Variants in WRNIP1 observed in about 807,000 individuals in gnomAD.
WRNIP1 encodes WRN helicase interacting protein 1, also known as ATPase WRNIP1.
WRNIP1 carries 41 observed loss-of-function variants against 56.1 expected under a neutral mutation model. The ratio of observed to expected loss-of-function variants is 0.73; its 90% CI spans 0.57 to 0.95. The LOEUF is 0.95. Ranked by LOEUF, WRNIP1 falls within the 40% of genes least tolerant of loss-of-function variation. The pLI, the probability that WRNIP1 is intolerant of heterozygous loss-of-function variation, is 0.00. For missense variants in WRNIP1, 1,170 were observed against 939.4 expected (o/e 1.25, Z -3.21); for synonymous variants, 547 against 398.1 (o/e 1.37, Z -4.45).
At position 2,765,959 on chromosome 6, in the gene WRNIP1, G is replaced by T. The variant is rs1013636525; in HGVS notation, c.337G>T (p.Ala113Ser). 7.0e-7 allele frequency: 1 copy of T among 1,428,408 alleles called. No individual in the cohort carries two copies. The allele number at this position is 1,428,408 out of a possible 1,614,324, so 88.5% of individuals were successfully genotyped here. Residue 113 changes from alanine to serine, a missense_variant, in exon 1 of 7, where the codon GCG (alanine) becomes TCG (serine). Transcript: ENST00000380773. ...GETESRESYDAPPTPSGARLI... is the reference protein window; with the variant it reads ...GETESRESYDSPPTPSGARLI... ...GACCGAGAGCCGCGAGAGCTACGACGCGCCGCCCACACCCAGCGGCGCCCG... is the reference window on the plus strand; with the variant it reads ...GACCGAGAGCCGCGAGAGCTACGACTCGCCGCCCACACCCAGCGGCGCCCG...
At chr6:2,783,910 T>C (rs1346816325) in intron 5 of WRNIP1, among the ~76,000 whole-genome samples, 1 of 152,184 alleles carries the variant, frequency 6.6e-6, no homozygotes, top group African/African-American at 2.4e-5. Context: ...AGGTTTTCTT[T>C]GGACAGCTCC....
In WRNIP1 at chr6:2,786,923, A is replaced by T. The variant is rs573878634; in HGVS notation, c.*1641A>T. ...ATAAATTTATTTATTTATGAGACCA[A>T]CTCTTGCTCTTTTTCCCAGGCTGGA... On this transcript the variant is annotated 3_prime_UTR_variant, in exon 7 of 7. Coordinates refer to ENST00000380773, the MANE Select transcript of WRNIP1 (RefSeq NM_020135.3). The T allele has an allele frequency of 1.3e-5, 2 of 151,258 alleles. No homozygotes were observed. Among genetic ancestry groups the T allele is most frequent in the African/African-American group, 4.9e-5 (2 of 41,104 alleles). 9.4% of individuals were successfully genotyped at this position (151,258 alleles called of 1,614,324 possible). A position where few individuals can be genotyped will look rare whatever the true frequency, so the allele number is the denominator to read the frequency against.
chr6:2,766,269 A>G lies in WRNIP1; in HGVS notation c.647A>G (p.Glu216Gly), dbSNP rs752428277. 1.3e-5 allele frequency: 20 copies of G among 1,568,014 alleles called. No homozygotes were observed. The highest frequency in any genetic ancestry group is 2.4e-5 in the South Asian group (2 of 84,942). ...CCGCACCCCCGGGCGCTGGCTGCCG[A>G]GGAGATCCGACAGATGCTACAGGGC... ...GRPHPRALAA[E>G]EIRQMLQGKP... The change falls in exon 1 of 7, where the codon GAG becomes GGG. Residue 216 changes from glutamate to glycine, a missense_variant. Coordinates refer to ENST00000380773, the MANE Select transcript of WRNIP1 (RefSeq NM_020135.3).
At chr6:2,778,576 G>A (rs1265529004) in intron 3 of WRNIP1, among the ~76,000 whole-genome samples, 7 of 152,130 alleles carry the variant, frequency 4.6e-5, no homozygotes, top group East Asian at 1.9e-4. Context: ...CAGTCTTCTC[G>A]TCGCTTCCCA....
intron 2 of WRNIP1, 62 bp from the exon 3 acceptor site, chr6:2,770,058 A>G (rs927198446): frequency 6.2e-6 from 10 of 1,604,026 alleles, no homozygotes; most frequent in Non-Finnish European, 8.5e-6. Flanking sequence ...GCCAACTTAC[A>G]TAGGATTCTG....
intron 5 of WRNIP1, 92 bp downstream of exon 5, chr6:2,783,653 T>TTTTTTTTTTA: frequency 8.3e-6 from 1 of 119,820 alleles, no homozygotes; most frequent in Non-Finnish European, 1.1e-5. Context: ...TTTTTTTTTT[T>TTTTTTTTTTA]GCAGGGCGGG....
At position 2,785,270 on chromosome 6, in the gene WRNIP1, G is replaced by A. The variant is rs370863201; in HGVS notation, c.1986G>A (p.Gln662=). Residue 662 remains glutamine (Q), a synonymous_variant, in exon 7 of 7, where the codon CAG becomes CAA. Transcript: ENST00000380773. The part of the protein sequence containing the change: ...EELRGVDFFK[Q]RRC ...TGAGGGGGGTAGATTTCTTCAAGCA[G>A]AGGAGGTGCTGACTCCTCAGGGCAC... is the stretch of plus-strand genomic sequence containing the variant. The A allele has an allele frequency of 1.2e-6, 2 of 1,613,564 alleles. No individual in the cohort carries two copies. Among genetic ancestry groups the A allele is most frequent in the Non-Finnish European group, 1.7e-6 (2 of 1,179,746 alleles).
At chr6:2,768,427 G>A (rs563166955) in intron 1 of WRNIP1, among the ~76,000 whole-genome samples, 51 of 152,328 alleles carry the variant, frequency 3.3e-4, no homozygotes, top group Non-Finnish European at 5.7e-4. Flanking sequence ...CACCCAAAAA[G>A]GAATCAAAGG....
In WRNIP1 at chr6:2,765,793, C is replaced by T. The variant is rs186673310; in HGVS notation, c.171C>T (p.Ala57=). The change falls in exon 1 of 7, where the codon GCC becomes GCT. Residue 57 remains alanine (A), a synonymous_variant. Coordinates refer to ENST00000380773, the MANE Select transcript of WRNIP1 (RefSeq NM_020135.3). The stretch of plus-strand genomic sequence containing the variant: ...AGCCCGCGGCCGGGTCGCACCGCGC[C>T]GGGGAGCGGGCCAAGGGGCCCTCGC... ...HAEPAAGSHR[A]GERAKGPSPP... 2,814 of 1,414,498 alleles carry T rather than the reference C, an allele frequency of 2.0e-3. 42 individuals are homozygous for T. The African/African-American group carries it at 0.036, about 18-fold the overall frequency. 87.6% of individuals were successfully genotyped at this position (1,414,498 alleles called of 1,614,324 possible).
chr6:2,769,981 G>C, intron 2 of WRNIP1, 139 bp from the exon 3 acceptor site: 2 of 1,209,424 alleles, frequency 1.7e-6, no homozygotes, highest in Non-Finnish European at 2.3e-6. Flanking sequence ...TCTATATTCA[G>C]TGAATATAAG....
Position 2,765,501 on chromosome 6 carries a change from C to A in WRNIP1, c.-122C>A. 3 of 1,208,822 alleles carry A rather than the reference C, an allele frequency of 2.5e-6. No homozygotes were observed. In the South Asian group the frequency reaches 8.2e-5, roughly 33 times the overall value. The allele number at this position is 1,208,822 out of a possible 1,614,324, so 74.9% of individuals were successfully genotyped here. A position where few individuals can be genotyped will look rare whatever the true frequency, so the allele number is the denominator to read the frequency against. On this transcript the variant is annotated 5_prime_UTR_variant, in exon 1 of 7. Coordinates refer to ENST00000380773, the MANE Select transcript of WRNIP1 (RefSeq NM_020135.3). ...GCGGCGCCCTCCTCCGGCCCGCGAG[C>A]GTCCTGCTGGTTCCCCGAGCGAGGG...
Position 2,785,214 on chromosome 6 carries a change from C to T in WRNIP1, c.1930C>T (p.Pro644Ser), listed in dbSNP as rs1440049771. The T allele has an allele frequency of 3.1e-6, 5 of 1,614,124 alleles. No individual in the cohort carries two copies. The highest frequency in any genetic ancestry group is 2.5e-6 in the Non-Finnish European group (3 of 1,180,032). ...GYKYNPMYSEPVDQEYLPEEL... is the reference protein window; with the variant it reads ...GYKYNPMYSESVDQEYLPEEL... ...CAAGTACAACCCCATGTACAGCGAG[C>T]CTGTGGATCAGGAGTACCTGCCTGA... The change falls in exon 7 of 7, where the codon CCT becomes TCT. Residue 644 changes from proline (P) to serine (S), a missense_variant. Pro to Ser is a moderately conservative substitution (Grantham distance 74, BLOSUM62 -1). Coordinates refer to ENST00000380773, the MANE Select transcript of WRNIP1 (RefSeq NM_020135.3).
At chr6:2,784,460 C>G (rs1765660421) in intron 6 of WRNIP1, 57 bp downstream of exon 6, 1 of 1,548,638 alleles carries the variant, frequency 6.5e-7, no homozygotes, top group Admixed American at 1.7e-5. Flanking sequence ...GTGCTCTGTC[C>G]CTTTGTAGAT....
chr6:2,768,610 C>CT (rs1311135885), intron 1 of WRNIP1, 81 bp from the exon 2 acceptor site: 2 of 1,229,656 alleles, frequency 1.6e-6, no homozygotes, highest in African/African-American at 3.1e-5. Flanking sequence ...AATAGTGATG[C>CT]TGCGTGTGGT....
intron 4 of WRNIP1, among the ~76,000 whole-genome samples, chr6:2,782,320 G>A (rs1374197490): frequency 1.3e-5 from 2 of 152,244 alleles, no homozygotes; most frequent in Non-Finnish European, 2.9e-5. Flanking sequence ...TCCAGTAGCT[G>A]GGCTGACCCA....
chr6:2,765,994 CG>C lies in WRNIP1; in HGVS notation c.373del (p.Asp125ThrfsTer157). The C allele has an allele frequency of 7.2e-7, 1 of 1,383,140 alleles. No homozygotes were observed. The highest frequency in any genetic ancestry group is 9.4e-7 in the Non-Finnish European group (1 of 1,066,392). The allele number at this position is 1,383,140 out of a possible 1,614,324, so 85.7% of individuals were successfully genotyped here. A position where few individuals can be genotyped will look rare whatever the true frequency, so the allele number is the denominator to read the frequency against. On this transcript the variant is annotated frameshift_variant, in exon 1 of 7. Transcript: ENST00000380773. LOFTEE classifies it high-confidence loss of function. ...PTPSGARLIPDFPVARSSSPG... is the reference protein window; with the variant it reads ...PTPSGARLIPXFPVARSSSPG... The stretch of plus-strand genomic sequence containing the variant: ...CACCCAGCGGCGCCCGCCTTATCCC[CG>C]ACTTCCCGGTGGCCCGCTCCAGCAG...
chr6:2,783,555 G>T lies in WRNIP1; in HGVS notation c.1636G>T (p.Asp546Tyr), dbSNP rs762819100. The change falls in exon 5 of 7, where the codon GAC becomes TAC. Residue 546 changes from aspartate (D) to tyrosine (Y), a missense_variant. Transcript: ENST00000380773. ...ARRLVRFASE[D>Y]IGLADPSALT... Reference sequence around the variant, plus strand: ...GAGGCTTGTCAGGTTTGCCAGCGAGGACATAGGTGAGTGTGATGGGAGGGT... The same window carrying T: ...GAGGCTTGTCAGGTTTGCCAGCGAGTACATAGGTGAGTGTGATGGGAGGGT... The T allele has an allele frequency of 1.9e-6, 3 of 1,603,848 alleles. No individual in the cohort carries two copies. The highest frequency in any genetic ancestry group is 4.5e-5 in the East Asian group (2 of 44,240).
chr6:2,773,038 G>A, intron 3 of WRNIP1: 1 of 985,454 alleles, frequency 1.0e-6, no homozygotes, highest in Non-Finnish European at 1.2e-6. Context: ...AACTGCACGT[G>A]AGAGGAGGTG....
At chr6:2,767,567 CATCTT>C (rs145000644) in intron 1 of WRNIP1, among the ~76,000 whole-genome samples, 1,546 of 152,356 alleles carry the variant, frequency 0.01, 23 homozygotes, top group African/African-American at 0.035. Flanking sequence ...TCCCAAATAA[CATCTT>C]ATGATGATGG....
Sources: allele counts gnomAD v4.1 joint callset (sites outside exome capture counted in the v4.1 genomes callset), GRCh38; gene constraint gnomAD v4.1.1; transcripts MANE v1.5; gene names NCBI Gene and HGNC (gene_info 2026-07-23, HGNC 2026-07-21).